The following PHF21A variants were observed in gnomAD, a reference collection of about 807,000 sequenced individuals.
The protein encoded by PHF21A is PHD finger protein 21A.
PHF21A carries 11 observed loss-of-function variants against 82.5 expected under a neutral mutation model. The ratio of observed to expected loss-of-function variants is 0.13; its 90% CI spans 0.08 to 0.22. The LOEUF is 0.22. PHF21A is among the 10% of genes least tolerant of loss of function. The probability of loss-of-function intolerance (pLI) is 1.00; values close to 1 mark genes in which losing one functional copy is unlikely to be tolerated. For synonymous variants in PHF21A, 297 were observed against 302.8 expected (o/e 0.98, Z 0.20); for missense variants, 579 against 837.8 (o/e 0.69, Z 3.81).
At chr11:46,039,676 G>T (rs1448855660) in intron 6 of PHF21A, among the ~76,000 whole-genome samples, 1 of 152,166 alleles carries the variant, frequency 6.6e-6, no homozygotes, top group African/African-American at 2.4e-5. Flanking sequence ...AATTAAGTTT[G>T]ATATTGCACT....
chr11:46,114,980 C>T (rs2097270627), intron 1 of PHF21A, among the ~76,000 whole-genome samples: 1 of 152,230 alleles, frequency 6.6e-6, no homozygotes, highest in South Asian at 2.1e-4. Context: ...TAGGCCTCAT[C>T]CCCTTCCTAT....
chr11:45,975,150 C>T (rs1380086788), intron 7 of PHF21A, among the ~76,000 whole-genome samples: 1 of 151,486 alleles, frequency 6.6e-6, no homozygotes, highest in Non-Finnish European at 1.5e-5. Context: ...TCCACCTCTA[C>T]AAAAAATACA....
At chr11:46,102,412 G>A (rs1035065398) in intron 1 of PHF21A, among the ~76,000 whole-genome samples, 2 of 152,184 alleles carry the variant, frequency 1.3e-5, no homozygotes, top group African/African-American at 4.8e-5. Flanking sequence ...ATCAACCAAT[G>A]ACATGTAAAA....
intron 3 of PHF21A, among the ~76,000 whole-genome samples, chr11:46,086,452 C>T (rs2096858996): frequency 6.6e-6 from 1 of 152,108 alleles, no homozygotes; most frequent in African/African-American, 2.4e-5. Flanking sequence ...GGAATGATAA[C>T]CAATCAATCA....
chr11:45,981,808 G>C (rs186872741), intron 6 of PHF21A, among the ~76,000 whole-genome samples: 1 of 151,798 alleles, frequency 6.6e-6, no homozygotes, highest in Admixed American at 6.6e-5. Context: ...CAAATCTGTG[G>C]ATTACTCATT....
At chr11:46,061,832 T>C in intron 6 of PHF21A, among the ~76,000 whole-genome samples, 1 of 152,194 alleles carries the variant, frequency 6.6e-6, no homozygotes, top group East Asian at 1.9e-4. Flanking sequence ...CTTTCTCGTT[T>C]GATGGAGAAC....
chr11:46,058,448 G>A (rs937961502), intron 6 of PHF21A, among the ~76,000 whole-genome samples: 4 of 152,182 alleles, frequency 2.6e-5, no homozygotes, highest in African/African-American at 9.7e-5. Context: ...AGTCTTGTAG[G>A]ACTGATATAT....
Position 45,965,359 on chromosome 11 carries a change from C to T in PHF21A, c.952G>A (p.Gly318Arg). 6.2e-7 allele frequency: 1 copy of T among 1,613,982 alleles called. No individual in the cohort carries two copies. The highest frequency in any genetic ancestry group is 8.5e-7 in the Non-Finnish European group (1 of 1,179,980). ...TTGCTAAGCTGTACAGTTTGAGGTCCAGCGAGTCTGGTCCCTGGAGTAGCT... is the reference window on the plus strand; with the variant it reads ...TTGCTAAGCTGTACAGTTTGAGGTCTAGCGAGTCTGGTCCCTGGAGTAGCT... ...VIATPGTRLA[G>R]PQTVQLSKPS... Residue 318 changes from glycine to arginine, a missense_variant, in exon 10 of 19, where the codon GGA (glycine) becomes AGA (arginine). Coordinates refer to ENST00000676320, the MANE Select transcript of PHF21A (RefSeq NM_001352027.3).
At chr11:45,988,387 A>G (rs149810589) in intron 6 of PHF21A, among the ~76,000 whole-genome samples, 1,731 of 152,348 alleles carry the variant, frequency 0.011, 30 homozygotes, top group African/African-American at 0.04. Flanking sequence ...GGCAGTATAT[A>G]TCATGTAGAA....
chr11:45,990,692 T>C (rs903726816), intron 6 of PHF21A, among the ~76,000 whole-genome samples: 9 of 144,672 alleles, frequency 6.2e-5, no homozygotes, highest in Non-Finnish European at 1.2e-4. Context: ...ACAATGAACA[T>C]AAAGGCAGTC....
intron 1 of PHF21A, among the ~76,000 whole-genome samples, chr11:46,096,490 T>C (rs1225872731): frequency 6.6e-6 from 1 of 152,166 alleles, no homozygotes; most frequent in Non-Finnish European, 1.5e-5. Context: ...AGTTGTTAAA[T>C]CCAACAGAAA....
intron 10 of PHF21A, among the ~76,000 whole-genome samples, chr11:45,961,182 G>A (rs978988368): frequency 6.6e-6 from 1 of 152,140 alleles, no homozygotes; most frequent in African/African-American, 2.4e-5. Context: ...CGAACCCACG[G>A]TTGCTGGAAT....
At chr11:46,083,188 C>T (rs2096814548) in intron 4 of PHF21A, among the ~76,000 whole-genome samples, 1 of 151,514 alleles carries the variant, frequency 6.6e-6, no homozygotes, top group Non-Finnish European at 1.5e-5. Flanking sequence ...AAAAAGTACA[C>T]AGCTTATTAC....
At chr11:46,098,346 G>A (rs1465177973) in intron 1 of PHF21A, among the ~76,000 whole-genome samples, 2 of 152,160 alleles carry the variant, frequency 1.3e-5, no homozygotes, top group African/African-American at 2.4e-5. Context: ...TGAAAAATGT[G>A]AGCCACACTA....
At chr11:46,004,945 G>A (rs1490349652) in intron 6 of PHF21A, among the ~76,000 whole-genome samples, 16 of 152,040 alleles carry the variant, frequency 1.1e-4, no homozygotes, top group Non-Finnish European at 2.2e-4. Flanking sequence ...ACACAACAAA[G>A]TTTACTTTTT....
chr11:46,089,020 T>A (rs2096890083), intron 3 of PHF21A, among the ~76,000 whole-genome samples: 1 of 144,738 alleles, frequency 6.9e-6, no homozygotes, highest in Non-Finnish European at 1.5e-5. Flanking sequence ...AACATTTCTT[T>A]AACTAACGAT....
chr11:45,980,289 A>G (rs2094222267), intron 6 of PHF21A, among the ~76,000 whole-genome samples: 1 of 152,176 alleles, frequency 6.6e-6, no homozygotes, highest in Non-Finnish European at 1.5e-5. Flanking sequence ...TAGCAGTAAA[A>G]AGCAGGACTC....
In PHF21A at chr11:45,953,705, A is replaced by G. The variant is rs2092380837; in HGVS notation, c.997-80T>C. 4.9e-6 allele frequency: 4 copies of G among 816,928 alleles called. No homozygotes were observed. In the Admixed American group the frequency reaches 8.6e-5, roughly 18 times the overall value. 50.6% of individuals were successfully genotyped at this position (816,928 alleles called of 1,614,324 possible). ...AAGCAATCAGAAGTTTAATAGTAGT[A>G]GTCAAGAAGAAAGAAGACAACATAT... is the stretch of plus-strand genomic sequence containing the variant. On this transcript the variant is annotated intron_variant, in intron 10 of 18. Coordinates refer to ENST00000676320, the MANE Select transcript of PHF21A (RefSeq NM_001352027.3).
At chr11:46,056,492 C>G (rs913198237) in intron 6 of PHF21A, among the ~76,000 whole-genome samples, 1 of 152,044 alleles carries the variant, frequency 6.6e-6, no homozygotes, top group African/African-American at 2.4e-5. Flanking sequence ...GATTTTAAAA[C>G]AAGAAATTGG....
Sources: gnomAD v4.1 joint callset for allele counts (sites outside exome capture counted in the v4.1 genomes callset) on GRCh38, gnomAD v4.1.1 for gene constraint, MANE v1.5 for transcripts, NCBI Gene and HGNC (gene_info 2026-07-23, HGNC 2026-07-21) for gene names.